ABCA8: variants seen among roughly 807,000 people sequenced by gnomAD.
The protein encoded by ABCA8 is ABC-type organic anion transporter ABCA8.
In ABCA8, 177 loss-of-function variants were observed where a neutral mutation model predicts 192.3. The ratio of observed to expected loss-of-function variants is 0.92; its 90% CI spans 0.81 to 1.04. The LOEUF (loss-of-function observed/expected upper bound fraction) is 1.04, where lower values mean the gene tolerates loss of function less well. Among genes scored for constraint, ABCA8 ranks in the 50% least tolerant of loss-of-function variants. ABCA8 has a pLI of 0.00. For synonymous variants in ABCA8, 642 were observed against 690.2 expected (o/e 0.93, Z 1.09); for missense variants, 1,915 against 1,904.8 (o/e 1.01, Z -0.10).
intron 24 of ABCA8, among the ~76,000 whole-genome samples, chr17:68,888,825 AAGCCATAG>A (rs1200351337): frequency 2.6e-5 from 4 of 152,166 alleles, no homozygotes; most frequent in African/African-American, 9.7e-5. Context: ...AGGGGATTCG[AAGCCATAG>A]AGCTAGATGG....
At position 68,911,429 on chromosome 17, in the gene ABCA8, C is replaced by A. The variant is rs1165936302; in HGVS notation, c.2139-3550G>T. ...GCTCAGCTGCAGCAGAATACAGTGC[C>A]ATGTAGATTCCTAAGATTTCTGACT... On this transcript the variant is annotated intron_variant, in intron 17 of 39. Transcript: ENST00000586539. The surrounding 1 kb of genome is among the most constrained non-coding windows in gnomAD (Gnocchi z 5.7). Among the ~76,000 whole-genome samples, 1 of 152,116 alleles carries A rather than the reference C, an allele frequency of 6.6e-6. No individual in the cohort carries two copies. The highest frequency in any genetic ancestry group is 2.4e-5 in the African/African-American group (1 of 41,430).
intron 7 of ABCA8, among the ~76,000 whole-genome samples, chr17:68,930,485 A>G (rs2067834535): frequency 6.6e-6 from 1 of 152,168 alleles, no homozygotes. Context: ...ATATTCTTTG[A>G]AAACTATAAT....
Position 68,907,857 on chromosome 17 carries a change from C to CATA in ABCA8, c.2160_2161insTAT (p.Cys720_Val721insTyr), listed in dbSNP as rs1567850197. 1 of 1,572,350 alleles carries CATA rather than the reference C, an allele frequency of 6.4e-7. No individual in the cohort carries two copies. Among genetic ancestry groups the CATA allele is most frequent in the African/African-American group, 1.4e-5 (1 of 72,196 alleles). On this transcript the variant is annotated inframe_insertion, in exon 18 of 40. Coordinates refer to ENST00000586539, the MANE Select transcript of ABCA8 (RefSeq NM_001288985.2). ...ACAAGTGATGTTATGTTTTCCTCAACACATATTTCATTTAACTGCAAGCTG... is the reference window on the plus strand; with the variant it reads ...ACAAGTGATGTTATGTTTTCCTCAACATAACATATTTCATTTAACTGCAAGCTG...
chr17:68,914,750 T>C (rs1598250970), intron 17 of ABCA8, among the ~76,000 whole-genome samples: 1 of 152,082 alleles, frequency 6.6e-6, no homozygotes, highest in African/African-American at 2.4e-5. Context: ...ACAATCGCTA[T>C]CAAAATACCA....
At chr17:68,924,514 A>C (rs891748688) in intron 11 of ABCA8, among the ~76,000 whole-genome samples, 187 bp downstream of exon 11, 3 of 152,120 alleles carry the variant, frequency 2.0e-5, no homozygotes, top group Admixed American at 2.0e-4. Flanking sequence ...AAATGTCGAC[A>C]ATGTTAGGCT....
intron 27 of ABCA8, chr17:68,884,795 T>G: frequency 4.1e-6 from 4 of 985,402 alleles, no homozygotes; most frequent in Non-Finnish European, 4.8e-6. Context: ...TCCTTCCTTT[T>G]GCATAGGTAT....
At chr17:68,934,818 G>A (rs533473588) in intron 5 of ABCA8, among the ~76,000 whole-genome samples, 94 of 152,090 alleles carry the variant, frequency 6.2e-4, no homozygotes, top group African/African-American at 2.1e-3. Context: ...TCAATACTTC[G>A]AATTGTTCTA....
chr17:68,877,892 T>G (rs2066247526), intron 32 of ABCA8: 2 of 445,086 alleles, frequency 4.5e-6, no homozygotes, highest in Admixed American at 4.1e-5. Flanking sequence ...CAATCTCAGC[T>G]GAAAAATCCA....
At chr17:68,880,281 C>T (rs1483424062) in intron 32 of ABCA8, 2 of 152,184 alleles carry the variant, frequency 1.3e-5, no homozygotes, top group African/African-American at 4.8e-5. Context: ...TCGAGATGAC[C>T]TGCCTACAAA....
Position 68,883,831 on chromosome 17 carries a change from T to G in ABCA8, c.3667A>C (p.Lys1223Gln). 6.2e-7 allele frequency: 1 copy of G among 1,600,566 alleles called. No individual in the cohort carries two copies. The highest frequency in any genetic ancestry group is 1.1e-5 in the South Asian group (1 of 86,986). The change falls in exon 29 of 40, where the codon AAG becomes CAG. Residue 1223 changes from lysine (K) to glutamine (Q), a missense_variant. Lys to Gln is a moderately conservative substitution (Grantham distance 53). Coordinates refer to ENST00000586539, the MANE Select transcript of ABCA8 (RefSeq NM_001288985.2). ...FLFTLRCLEW[K>Q]FGKKSMRKDP... ...TTTCTCATTGATTTCTTTCCAAACT[T>G]CCATTCCAGACATCGAAGAGTAAAA...
At chr17:68,925,444 A>G (rs1260755586) in intron 10 of ABCA8, among the ~76,000 whole-genome samples, 1 of 152,224 alleles carries the variant, frequency 6.6e-6, no homozygotes, top group Non-Finnish European at 1.5e-5. Flanking sequence ...AAGCAAATTT[A>G]TGATCTGCTT....
intron 17 of ABCA8, among the ~76,000 whole-genome samples, chr17:68,914,234 CACA>C (rs1438944659): frequency 6.6e-6 from 1 of 151,972 alleles, no homozygotes; most frequent in African/African-American, 2.4e-5. Context: ...AGATCTGGAA[CACA>C]ACAATGATGC....
At chr17:68,928,119 C>CCTAACTGTTTAAA in intron 9 of ABCA8, 56 bp from the exon 10 acceptor site, 1 of 1,415,236 alleles carries the variant, frequency 7.1e-7, no homozygotes, top group Non-Finnish European at 9.7e-7. Context: ...ACATTTTAAA[C>CCTAACTGTTTAAA]AGTTAGGTTT....
chr17:68,902,211 G>A (rs985639835), intron 21 of ABCA8, among the ~76,000 whole-genome samples: 3 of 152,306 alleles, frequency 2.0e-5, no homozygotes, highest in South Asian at 2.1e-4. Flanking sequence ...TGTTGTATGA[G>A]TCCAGTGATA....
chr17:68,908,485 T>C (rs1403368442), intron 17 of ABCA8, among the ~76,000 whole-genome samples: 1 of 152,124 alleles, frequency 6.6e-6, no homozygotes, highest in Non-Finnish European at 1.5e-5. Flanking sequence ...AGTGCGGGCG[T>C]CAGGAAGAAA....
rs1351139060 is a variant in ABCA8, at chr17:68,918,887, G to C, written c.1789-341C>G. Among the ~76,000 whole-genome samples the C allele has an allele frequency of 2.1e-5, 3 of 141,390 alleles. No individual in the cohort carries two copies. In the East Asian group the frequency reaches 6.3e-4, roughly 30 times the overall value. 92.8% of individuals were successfully genotyped at this position (141,390 alleles called of 152,430 possible). A position where few individuals can be genotyped will look rare whatever the true frequency, so the allele number is the denominator to read the frequency against. ...AAATGTTACAGTGAGCCGGCATAGG[G>C]CCATTGCACTCCGGCCTGGGCGACA... On this transcript the variant is annotated intron_variant, in intron 14 of 39. Transcript: ENST00000586539.
intron 2 of ABCA8, among the ~76,000 whole-genome samples, chr17:68,947,303 C>A (rs1048096701): frequency 6.6e-6 from 1 of 152,116 alleles, no homozygotes; most frequent in Non-Finnish European, 1.5e-5. Flanking sequence ...TGTTTTCCAG[C>A]AAATACTATA....
intron 1 of ABCA8, among the ~76,000 whole-genome samples, chr17:68,953,118 G>A (rs2068615436): frequency 6.6e-6 from 1 of 152,190 alleles, no homozygotes; most frequent in Admixed American, 6.5e-5. Context: ...TTTGCCGTGG[G>A]AGAAAACAGG....
intron 11 of ABCA8, among the ~76,000 whole-genome samples, chr17:68,923,782 AC>A (rs1218089375): frequency 6.6e-6 from 1 of 152,232 alleles, no homozygotes; most frequent in Non-Finnish European, 1.5e-5. Flanking sequence ...GAGACATTTC[AC>A]AGGGGACTGA....
Sources: gnomAD v4.1 joint callset for allele counts (sites outside exome capture counted in the v4.1 genomes callset) on GRCh38, gnomAD v4.1.1 for gene constraint, Gnocchi (gnomAD v3.1) non-coding constraint, MANE v1.5 for transcripts, NCBI Gene and HGNC (gene_info 2026-07-23, HGNC 2026-07-21) for gene names.